The following LRBA variants were observed in gnomAD, a reference collection of about 807,000 sequenced individuals.
LRBA encodes LPS responsive beige-like anchor protein.
In LRBA, 176 loss-of-function variants were observed where a neutral mutation model predicts 330.0. The ratio of observed to expected loss-of-function variants is 0.53; its 90% CI spans 0.47 to 0.60. The LOEUF is 0.60. Ranked by LOEUF, LRBA falls within the 20% of genes least tolerant of loss-of-function variation. LRBA has a pLI of 0.00. For missense variants in LRBA, 3,259 were observed against 3,444.8 expected (o/e 0.95, Z 1.35); for synonymous variants, 1,230 against 1,193.0 (o/e 1.03, Z -0.64).
chr4:150,528,543 A>G (rs1051919671), intron 40 of LRBA, among the ~76,000 whole-genome samples: 4 of 152,050 alleles, frequency 2.6e-5, no homozygotes, highest in Non-Finnish European at 5.9e-5. Context: ...TCCATAAAAG[A>G]AAGTCTATAT....
intron 44 of LRBA, among the ~76,000 whole-genome samples, chr4:150,439,994 A>G (rs945423296): frequency 6.6e-6 from 1 of 152,180 alleles, no homozygotes; most frequent in African/African-American, 2.4e-5. Flanking sequence ...ATGTTTATTC[A>G]TCTCTGCAAA....
intron 2 of LRBA, among the ~76,000 whole-genome samples, chr4:150,999,746 C>A (rs1052534159): frequency 2.0e-5 from 3 of 152,030 alleles, no homozygotes; most frequent in Admixed American, 6.6e-5. Flanking sequence ...TAATATACCC[C>A]CTGAGGCTCC....
chr4:150,844,469 A>G (rs546579976), intron 27 of LRBA, among the ~76,000 whole-genome samples, 189 bp downstream of exon 27: 16 of 151,872 alleles, frequency 1.1e-4, no homozygotes, highest in African/African-American at 3.6e-4. Flanking sequence ...GGAAAAGCAG[A>G]GAGGTTTAAA....
intron 42 of LRBA, among the ~76,000 whole-genome samples, chr4:150,485,604 G>A (rs955082665): frequency 6.6e-6 from 1 of 151,918 alleles, no homozygotes; most frequent in African/African-American, 2.4e-5. Context: ...TGAAGAGACA[G>A]AGGGAGAAGA....
In LRBA at chr4:150,583,599, C is replaced by A; in HGVS notation, c.6330+4449G>T. 6.2e-7 allele frequency: 1 copy of A among 1,614,028 alleles called. No homozygotes were observed. Among genetic ancestry groups the A allele is most frequent in the South Asian group, 1.1e-5 (1 of 91,066 alleles). On this transcript the variant is annotated intron_variant, in intron 40 of 56. Transcript: ENST00000651943. The surrounding 1 kb of genome is among the most constrained non-coding windows in gnomAD (Gnocchi z 9.8). ...GCAGCGCGGCACAGTGGCCTATGCC[C>A]CACATCCCTTGGCCCGGCCCCAATC...
intron 44 of LRBA, among the ~76,000 whole-genome samples, chr4:150,454,054 T>C (rs1437473294): frequency 6.6e-6 from 1 of 152,012 alleles, no homozygotes; most frequent in Non-Finnish European, 1.5e-5. Context: ...TCCAACTCCC[T>C]GGTTCAAGAT....
At chr4:150,327,399 A>C (rs576363755) in intron 48 of LRBA, among the ~76,000 whole-genome samples, 1 of 152,260 alleles carries the variant, frequency 6.6e-6, no homozygotes, top group African/African-American at 2.4e-5. Flanking sequence ...CAGCCTGGAC[A>C]AGAGTGCAGC....
intron 47 of LRBA, among the ~76,000 whole-genome samples, chr4:150,391,016 C>A (rs571743393): frequency 1.3e-5 from 2 of 152,286 alleles, no homozygotes; most frequent in East Asian, 1.9e-4. Context: ...CAGCTTGATA[C>A]CGCACTTCCC....
chr4:150,836,274 T>C (rs1748057597), intron 28 of LRBA, among the ~76,000 whole-genome samples: 1 of 152,316 alleles, frequency 6.6e-6, no homozygotes, highest in Admixed American at 6.5e-5. Flanking sequence ...TTTTTTGTTG[T>C]GTCTCTGCCA....
At chr4:150,749,460 C>A (rs1733230503) in intron 35 of LRBA, among the ~76,000 whole-genome samples, 1 of 151,882 alleles carries the variant, frequency 6.6e-6, no homozygotes, top group African/African-American at 2.4e-5. Context: ...AAGGACAAAC[C>A]CAACAGAGTG....
At chr4:150,746,813 A>T (rs1489431771) in intron 35 of LRBA, among the ~76,000 whole-genome samples, 1 of 151,970 alleles carries the variant, frequency 6.6e-6, no homozygotes. Context: ...CCCGGCCAAA[A>T]GTTGTTTTTC....
chr4:150,575,227 A>G (rs1770395335), intron 40 of LRBA, among the ~76,000 whole-genome samples: 1 of 151,974 alleles, frequency 6.6e-6, no homozygotes. Flanking sequence ...TTTCATTTAT[A>G]TTACACAGAT....
At chr4:150,664,890 A>G (rs963731894) in intron 37 of LRBA, among the ~76,000 whole-genome samples, 1 of 152,138 alleles carries the variant, frequency 6.6e-6, no homozygotes, top group African/African-American at 2.4e-5. Context: ...TTTTTGAGAC[A>G]TAACTCACAT....
chr4:150,711,152 G>A (rs1220949647), intron 36 of LRBA, among the ~76,000 whole-genome samples: 4 of 151,952 alleles, frequency 2.6e-5, no homozygotes, highest in African/African-American at 9.7e-5. Context: ...TATGCACAGA[G>A]AGACCCTTTT....
intron 40 of LRBA, among the ~76,000 whole-genome samples, chr4:150,539,955 A>G (rs574341878): frequency 6.6e-6 from 1 of 152,336 alleles, no homozygotes; most frequent in African/African-American, 2.4e-5. Context: ...TCGTATTAAT[A>G]TTTGAAAGTT....
chr4:150,717,675 G>GTAATAGTAATAATAATAATAATAATAA (rs71596232), intron 36 of LRBA, among the ~76,000 whole-genome samples: 42 of 139,768 alleles, frequency 3.0e-4, no homozygotes, highest in African/African-American at 1.1e-3. Context: ...AACAATAATA[G>GTAATAGTAATAATAATAATAATAATAA]TAATAATAAT....
chr4:150,911,672 G>A (rs1040783180), intron 9 of LRBA, among the ~76,000 whole-genome samples: 2 of 152,022 alleles, frequency 1.3e-5, no homozygotes, highest in South Asian at 2.1e-4. Flanking sequence ...GTACTATCTT[G>A]ATCTGGCTTT....
At chr4:150,868,118 TA>T in intron 21 of LRBA, 63 bp downstream of exon 21, 15 of 1,497,884 alleles carry the variant, frequency 1.0e-5, no homozygotes, top group African/African-American at 1.4e-5. Flanking sequence ...TTTTCTTAGA[TA>T]AAATGGGCTT....
intron 40 of LRBA, among the ~76,000 whole-genome samples, chr4:150,578,288 A>G (rs10022844): frequency 0.45 from 68,661 of 151,968 alleles, 16,048 homozygotes; most frequent in Admixed American, 0.52. Flanking sequence ...TTATTCTTCA[A>G]TTAGAAATAT....
Sources: gnomAD v4.1 joint callset for allele counts (sites outside exome capture counted in the v4.1 genomes callset) on GRCh38, gnomAD v4.1.1 for gene constraint, Gnocchi (gnomAD v3.1) non-coding constraint, MANE v1.5 for transcripts, NCBI Gene and HGNC (gene_info 2026-07-23, HGNC 2026-07-21) for gene names.